The following TRPC5 variants were observed in gnomAD, a reference collection of about 807,000 sequenced individuals.
TRPC5 encodes the protein transient receptor potential cation channel subfamily C member 5.
In TRPC5, 9 loss-of-function variants were observed where a neutral mutation model predicts 56.5. The observed-to-expected ratio is 0.16, with a 90% CI of 0.10 to 0.28. The LOEUF (loss-of-function observed/expected upper bound fraction) is 0.28. Among genes scored for constraint, TRPC5 ranks in the 10% least tolerant of loss-of-function variants. The probability of loss-of-function intolerance (pLI) is 1.00; values close to 1 mark genes in which losing one functional copy is unlikely to be tolerated. For missense variants in TRPC5, 469 were observed against 748.9 expected (o/e 0.63, Z 4.36); for synonymous variants, 282 against 278.5 (o/e 1.01, Z -0.13).
chrX:111,997,654 C>T (rs145114424), intron 1 of TRPC5, among the ~76,000 whole-genome samples: 37 of 110,609 alleles, frequency 3.3e-4, no homozygotes, highest in African/African-American at 1.1e-3. Context: ...GGTCTTTTCA[C>T]GTTGTCCCAT....
chrX:111,909,356 A>AATT (rs1569527965), intron 3 of TRPC5, among the ~76,000 whole-genome samples: 91 of 94,657 alleles, frequency 9.6e-4, no homozygotes, highest in Admixed American at 1.9e-3. Context: ...ATAAATAAAT[A>AATT]AATTAATTAA....
At chrX:111,791,234 T>C (rs1446881746) in intron 7 of TRPC5, among the ~76,000 whole-genome samples, 1 of 109,673 alleles carries the variant, frequency 9.1e-6, no homozygotes, top group Non-Finnish European at 1.9e-5. Context: ...TGAAGAGGTA[T>C]TTAATAACTA....
At chrX:112,043,175 C>A (rs748950114) in intron 1 of TRPC5, among the ~76,000 whole-genome samples, 4 of 112,118 alleles carry the variant, frequency 3.6e-5, no homozygotes, top group Admixed American at 9.5e-5. Flanking sequence ...TTCTCAAAGT[C>A]CCTAGTGCAG....
chrX:111,930,525 C>T (rs1020069788), intron 2 of TRPC5, among the ~76,000 whole-genome samples: 7 of 110,827 alleles, frequency 6.3e-5, no homozygotes, highest in Non-Finnish European at 1.3e-4. Flanking sequence ...AGCTTGAACC[C>T]GGGAGGCTGG....
chrX:111,867,136 G>A (rs2148591785), intron 3 of TRPC5, among the ~76,000 whole-genome samples: 1 of 111,870 alleles, frequency 8.9e-6, no homozygotes, highest in South Asian at 3.8e-4. Context: ...AAACATGTCA[G>A]GTTCCCAGAT....
intron 1 of TRPC5, among the ~76,000 whole-genome samples, chrX:112,035,092 A>T (rs866622993): frequency 0.03 from 2,743 of 90,486 alleles, 94 homozygotes; most frequent in African/African-American, 0.13. Flanking sequence ...TTTTTTTTAA[A>T]AAAAAAAAAA....
chrX:111,961,033 A>G (rs898701716), intron 1 of TRPC5, among the ~76,000 whole-genome samples: 5 of 110,755 alleles, frequency 4.5e-5, no homozygotes, highest in African/African-American at 1.6e-4. Context: ...GCTGGTCTCA[A>G]ACTCCTGATC....
At chrX:112,045,832 A>G (rs1930003728) in intron 1 of TRPC5, among the ~76,000 whole-genome samples, 1 of 111,548 alleles carries the variant, frequency 9.0e-6, no homozygotes, top group South Asian at 3.8e-4. Flanking sequence ...AACTGATTCG[A>G]TTTATCAAAC....
intron 1 of TRPC5, among the ~76,000 whole-genome samples, chrX:112,075,174 G>A (rs1046389942): frequency 1.9e-4 from 21 of 112,300 alleles, no homozygotes; most frequent in Non-Finnish European, 3.8e-4. Flanking sequence ...AAAGGATAAC[G>A]TTTTCTGTTC....
intron 4 of TRPC5, 36 bp from the exon 5 acceptor site, chrX:111,852,473 G>A: frequency 8.5e-7 from 1 of 1,172,177 alleles, no homozygotes; most frequent in Non-Finnish European, 1.1e-6. Flanking sequence ...TTTCTACATA[G>A]GGTCAGCCCT....
chrX:111,863,327 G>C (rs1232758327), intron 3 of TRPC5, among the ~76,000 whole-genome samples: 1 of 112,072 alleles, frequency 8.9e-6, no homozygotes, highest in Non-Finnish European at 1.9e-5. Flanking sequence ...TAAAGTTTTA[G>C]TTTGATTATA....
At chrX:111,793,509 A>G (rs985870675) in intron 7 of TRPC5, among the ~76,000 whole-genome samples, 2 of 111,988 alleles carry the variant, frequency 1.8e-5, no homozygotes, top group Non-Finnish European at 3.8e-5. Context: ...ATACCACCTC[A>G]TACCCAATAG....
At chrX:111,917,369 G>C (rs1030325280) in intron 2 of TRPC5, among the ~76,000 whole-genome samples, 1 of 112,058 alleles carries the variant, frequency 8.9e-6, no homozygotes, top group African/African-American at 3.3e-5. Flanking sequence ...AAATTAGATA[G>C]TGATTCTAGA....
chrX:111,863,046 T>C (rs1923448637), intron 3 of TRPC5, among the ~76,000 whole-genome samples: 2 of 112,277 alleles, frequency 1.8e-5, no homozygotes, highest in Admixed American at 9.4e-5. Context: ...ATAGATCTAA[T>C]TGGCTTTTTT....
intron 2 of TRPC5, among the ~76,000 whole-genome samples, chrX:111,947,877 T>C (rs754624883): frequency 5.3e-4 from 59 of 112,217 alleles, no homozygotes; most frequent in African/African-American, 1.8e-3. Context: ...ATGCTGATGG[T>C]GGAGGGGGAT....
intron 1 of TRPC5, among the ~76,000 whole-genome samples, chrX:111,989,112 C>T (rs1169368826): frequency 9.0e-6 from 1 of 111,457 alleles, no homozygotes; most frequent in East Asian, 2.8e-4. Flanking sequence ...TATCCTATAC[C>T]CATTTTCCAT....
chrX:111,842,132 G>GTA lies in TRPC5; in HGVS notation c.1700+4980_1700+4981dup, dbSNP rs764298266. Reference sequence around the variant, plus strand: ...ATATATATATATTTTATATATATATGTATATATATATATATGTATATTTTA... The same window carrying GTA: ...ATATATATATATTTTATATATATATGTATATATATATATATATGTATATTTTA... On this transcript the variant is annotated intron_variant, in intron 6 of 10. Transcript: ENST00000262839. Among the ~76,000 whole-genome samples, 481 of 77,162 alleles carry GTA rather than the reference G, an allele frequency of 6.2e-3. 6 individuals are homozygous for GTA. Among genetic ancestry groups the GTA allele is most frequent in the Middle Eastern group, 0.019 (3 of 161 alleles). The allele number at this position is 77,162 out of a possible 115,157, so 67.0% of individuals were successfully genotyped here.
At chrX:111,812,344 G>A (rs1921736185) in intron 7 of TRPC5, among the ~76,000 whole-genome samples, 1 of 111,257 alleles carries the variant, frequency 9.0e-6, no homozygotes, top group South Asian at 3.8e-4. Context: ...CCACTGATAT[G>A]AGGATATGAT....
intron 7 of TRPC5, among the ~76,000 whole-genome samples, chrX:111,796,892 T>G (rs1190889066): frequency 8.9e-6 from 1 of 112,311 alleles, no homozygotes; most frequent in Non-Finnish European, 1.9e-5. Flanking sequence ...TTCCTTTACA[T>G]TTTTTTATCA....
Sources: allele counts gnomAD v4.1 joint callset (sites outside exome capture counted in the v4.1 genomes callset), GRCh38; gene constraint gnomAD v4.1.1; transcripts MANE v1.5; gene names NCBI Gene and HGNC (gene_info 2026-07-23, HGNC 2026-07-21).